RSU1: variants seen among roughly 807,000 people sequenced by gnomAD.
RSU1 encodes Ras suppressor protein 1.
RSU1 carries 26 observed loss-of-function variants against 31.1 expected under a neutral mutation model. The observed-to-expected ratio is 0.84, with a 90% CI of 0.61 to 1.16. The LOEUF (loss-of-function observed/expected upper bound fraction) is 1.16, where lower values mean the gene tolerates loss of function less well. Among genes scored for constraint, RSU1 ranks in the 50% most tolerant of loss-of-function variants. The pLI is 0.00. For synonymous variants in RSU1, 164 were observed against 136.3 expected (o/e 1.20, Z -1.41); for missense variants, 320 against 339.1 (o/e 0.94, Z 0.44).
intron 7 of RSU1, among the ~76,000 whole-genome samples, chr10:16,718,522 G>A (rs1322653134): frequency 1.3e-5 from 2 of 152,270 alleles, no homozygotes; most frequent in East Asian, 1.9e-4. Context: ...AACAAATGGT[G>A]TCCTCTAATC....
chr10:16,692,865 T>C (rs182491039), intron 8 of RSU1, among the ~76,000 whole-genome samples: 7 of 152,344 alleles, frequency 4.6e-5, no homozygotes, highest in Non-Finnish European at 8.8e-5. Context: ...TGTCATAGTA[T>C]TGTCTAAAGT....
At chr10:16,657,600 C>G (rs182223539) in intron 8 of RSU1, among the ~76,000 whole-genome samples, 1 of 151,532 alleles carries the variant, frequency 6.6e-6, no homozygotes, top group African/African-American at 2.4e-5. Flanking sequence ...TTTGCATAGA[C>G]AGACTTCAGA....
chr10:16,608,284 G>A (rs1833838086), intron 8 of RSU1, among the ~76,000 whole-genome samples: 1 of 152,182 alleles, frequency 6.6e-6, no homozygotes, highest in African/African-American at 2.4e-5. Flanking sequence ...GAGGCAGGAG[G>A]ATCCTTTGAG....
chr10:16,802,253 A>G (rs1360532697), intron 2 of RSU1, among the ~76,000 whole-genome samples: 3 of 151,900 alleles, frequency 2.0e-5, no homozygotes, highest in Admixed American at 6.6e-5. Context: ...ATTACTACTG[A>G]TTTCATGGAT....
intron 8 of RSU1, among the ~76,000 whole-genome samples, chr10:16,676,901 T>G (rs1231353037): frequency 6.6e-6 from 1 of 152,134 alleles, no homozygotes; most frequent in Non-Finnish European, 1.5e-5. Flanking sequence ...GATAAGGGGT[T>G]GCTAAATTAG....
intron 7 of RSU1, among the ~76,000 whole-genome samples, chr10:16,698,295 T>C (rs1835722537): frequency 6.6e-6 from 1 of 152,012 alleles, no homozygotes; most frequent in Non-Finnish European, 1.5e-5. Flanking sequence ...CATCCGAAAC[T>C]GAAGGTATGT....
At chr10:16,636,013 TC>T (rs1834338629) in intron 8 of RSU1, among the ~76,000 whole-genome samples, 1 of 152,212 alleles carries the variant, frequency 6.6e-6, no homozygotes, top group South Asian at 2.1e-4. Flanking sequence ...TGGCTGCTCC[TC>T]CTCAGTTTCC....
chr10:16,593,717 T>G (rs187753024), intron 8 of RSU1, among the ~76,000 whole-genome samples: 274 of 152,360 alleles, frequency 1.8e-3, no homozygotes, highest in African/African-American at 6.2e-3. Flanking sequence ...GACCAGTCTC[T>G]TGGGATTTCA....
At chr10:16,709,019 T>C (rs1211278004) in intron 7 of RSU1, among the ~76,000 whole-genome samples, 1 of 152,012 alleles carries the variant, frequency 6.6e-6, no homozygotes, top group Non-Finnish European at 1.5e-5. Flanking sequence ...TTAATTATAC[T>C]TTAAGTTTTA....
intron 5 of RSU1, 63 bp from the exon 6 acceptor site, chr10:16,753,063 C>G: frequency 7.7e-7 from 1 of 1,291,750 alleles, no homozygotes; most frequent in Non-Finnish European, 1.1e-6. Context: ...GAGGTCTGAT[C>G]AATACGAGGG....
At chr10:16,744,721 A>G (rs1297397209) in intron 7 of RSU1, among the ~76,000 whole-genome samples, 1 of 152,186 alleles carries the variant, frequency 6.6e-6, no homozygotes, top group Non-Finnish European at 1.5e-5. Context: ...CCCAGCCTCA[A>G]TATAAAACTC....
rs1222567291 is a variant in RSU1, at chr10:16,727,210, G to A, written c.598+25329C>T. On this transcript the variant is annotated intron_variant, in intron 7 of 8. Transcript: ENST00000345264. ...GAGTGGACTCACCTGGGCGGAAAGA[G>A]TGACGATGTTCCGCCTGGCTGCATC... The A allele has an allele frequency of 1.8e-5, 8 of 449,692 alleles. No individual in the cohort carries two copies. The Admixed American group carries it at 1.9e-4, about 11-fold the overall frequency. The allele number at this position is 449,692 out of a possible 1,614,324, so 27.9% of individuals were successfully genotyped here. A position where few individuals can be genotyped will look rare whatever the true frequency, so the allele number is the denominator to read the frequency against.
At chr10:16,673,601 G>A (rs1835162516) in intron 8 of RSU1, among the ~76,000 whole-genome samples, 2 of 152,200 alleles carry the variant, frequency 1.3e-5, no homozygotes, top group Non-Finnish European at 2.9e-5. Context: ...CTTGAAGCAC[G>A]TGATCATGCC....
intron 8 of RSU1, among the ~76,000 whole-genome samples, chr10:16,677,984 GGAGAA>G (rs1835264473): frequency 6.6e-6 from 1 of 151,446 alleles, no homozygotes; most frequent in Admixed American, 6.6e-5. Flanking sequence ...AAAAAATTAA[GGAGAA>G]AAGAAACAAA....
At chr10:16,771,217 G>A (rs1011617980) in intron 3 of RSU1, among the ~76,000 whole-genome samples, 6 of 152,256 alleles carry the variant, frequency 3.9e-5, no homozygotes, top group East Asian at 1.9e-4. Context: ...TTATATATAC[G>A]GGAGGGGAGG....
chr10:16,639,502 T>C (rs570397512), intron 8 of RSU1, among the ~76,000 whole-genome samples: 1 of 152,216 alleles, frequency 6.6e-6, no homozygotes, highest in Non-Finnish European at 1.5e-5. Context: ...GTACAATTAA[T>C]GCGGGTTTAA....
intron 8 of RSU1, among the ~76,000 whole-genome samples, chr10:16,622,546 T>TAC (rs1215467815): frequency 6.6e-6 from 1 of 152,138 alleles, no homozygotes; most frequent in Admixed American, 6.5e-5. Flanking sequence ...ACAGAGGGTT[T>TAC]ACACACACAC....
chr10:16,602,578 A>C (rs1833731050), intron 8 of RSU1, among the ~76,000 whole-genome samples: 1 of 152,228 alleles, frequency 6.6e-6, no homozygotes, highest in Admixed American at 6.5e-5. Flanking sequence ...TATACACTCC[A>C]GGCACTGCTA....
chr10:16,702,946 T>C (rs1338424119), intron 7 of RSU1, among the ~76,000 whole-genome samples: 1 of 152,176 alleles, frequency 6.6e-6, no homozygotes, highest in Non-Finnish European at 1.5e-5. Context: ...TGGTGTGAGG[T>C]GGCAGGATCA....
Sources: gnomAD v4.1 joint callset for allele counts (sites outside exome capture counted in the v4.1 genomes callset) on GRCh38, gnomAD v4.1.1 for gene constraint, MANE v1.5 for transcripts, NCBI Gene and HGNC (gene_info 2026-07-23, HGNC 2026-07-21) for gene names.